The following PDE4D variants were observed in gnomAD, a reference collection of about 807,000 sequenced individuals.
PDE4D encodes phosphodiesterase 4D, also known as 3',5'-cyclic-AMP phosphodiesterase 4D.
In PDE4D, 24 loss-of-function variants were observed where a neutral mutation model predicts 87.4. The ratio of observed to expected loss-of-function variants is 0.27; its 90% CI spans 0.20 to 0.39. The LOEUF (loss-of-function observed/expected upper bound fraction) is 0.39. Among genes scored for constraint, PDE4D ranks in the 10% least tolerant of loss-of-function variants. The pLI is 1.00. For missense variants in PDE4D, 714 were observed against 1,041.0 expected (o/e 0.69, Z 4.32); for synonymous variants, 384 against 383.2 (o/e 1.00, Z -0.02).
At chr5:60,102,187 G>T (rs1776281556) in intron 2 of PDE4D, among the ~76,000 whole-genome samples, 1 of 152,038 alleles carries the variant, frequency 6.6e-6, no homozygotes, top group South Asian at 2.1e-4. Flanking sequence ...GTAGGTCACT[G>T]GGACTCTTAA....
At chr5:59,515,167 A>G (rs1256148058) in intron 1 of PDE4D, among the ~76,000 whole-genome samples, 5 of 152,250 alleles carry the variant, frequency 3.3e-5, no homozygotes, top group African/African-American at 4.8e-5. Context: ...GGAAGTTACC[A>G]AAACTAATCA....
At chr5:59,053,637 TG>T (rs1295543883) in intron 5 of PDE4D, among the ~76,000 whole-genome samples, 236 of 108,250 alleles carry the variant, frequency 2.2e-3, no homozygotes, top group African/African-American at 5.7e-3. Flanking sequence ...TAAGTTGTTT[TG>T]TTTTTTGTTT....
Position 60,198,317 on chromosome 5 carries a change from C to G in PDE4D, c.-89-12630G>C, listed in dbSNP as rs779821403. The stretch of plus-strand genomic sequence containing the variant: ...TTATAAAACAAGAACTCTAAGATAT[C>G]CCCTAAACAAAAGTAATTTATGTAA... On this transcript the variant is annotated intron_variant, in intron 1 of 16. Transcript: ENST00000502484. Among the ~76,000 whole-genome samples the G allele has an allele frequency of 4.6e-5, 7 of 151,268 alleles. 1 individual carries two copies. The highest frequency in any genetic ancestry group is 7.3e-5 in the African/African-American group (3 of 41,298).
At chr5:60,375,009 G>T (rs1018687931) in intron 1 of PDE4D, among the ~76,000 whole-genome samples, 8 of 152,098 alleles carry the variant, frequency 5.3e-5, no homozygotes, top group African/African-American at 1.7e-4. Context: ...GACAAAGTTA[G>T]CTAGGTAATC....
chr5:59,758,098 G>A (rs1236086025), intron 1 of PDE4D, among the ~76,000 whole-genome samples: 1 of 152,158 alleles, frequency 6.6e-6, no homozygotes, highest in Non-Finnish European at 1.5e-5. Flanking sequence ...CCCAAAGGAA[G>A]GTAATGCTGA....
chr5:60,454,441 C>CATAT (rs1746318480), intron 1 of PDE4D, among the ~76,000 whole-genome samples: 2 of 152,104 alleles, frequency 1.3e-5, no homozygotes, highest in Non-Finnish European at 2.9e-5. Context: ...AAATGTGGTA[C>CATAT]ATATATACCA....
At chr5:59,706,327 A>C (rs1385315420) in intron 1 of PDE4D, among the ~76,000 whole-genome samples, 2 of 152,150 alleles carry the variant, frequency 1.3e-5, no homozygotes, top group Non-Finnish European at 2.9e-5. Context: ...TGGGAGTTTC[A>C]GCTCAGGAAG....
At chr5:59,285,418 T>C (rs1279958580) in intron 1 of PDE4D, among the ~76,000 whole-genome samples, 1 of 151,994 alleles carries the variant, frequency 6.6e-6, no homozygotes, top group African/African-American at 2.4e-5. Context: ...AAAAACTGAG[T>C]CTTGCCTCTT....
chr5:59,366,337 A>C (rs1783052192), intron 1 of PDE4D, among the ~76,000 whole-genome samples: 1 of 152,240 alleles, frequency 6.6e-6, no homozygotes, highest in Non-Finnish European at 1.5e-5. Flanking sequence ...TATAAAGCAC[A>C]AAATAAATCT....
chr5:59,988,323 G>T (rs964232644), intron 3 of PDE4D: 7 of 522,366 alleles, frequency 1.3e-5, no homozygotes, highest in Admixed American at 1.0e-4. Flanking sequence ...TTCTCCTGCA[G>T]ATATAGAAAT....
At chr5:60,353,190 G>A (rs773072492) in intron 1 of PDE4D, among the ~76,000 whole-genome samples, 7 of 152,168 alleles carry the variant, frequency 4.6e-5, no homozygotes, top group Non-Finnish European at 8.8e-5. Flanking sequence ...GTCACTGCCA[G>A]TTCCATAACC....
chr5:59,981,536 A>G (rs1761934375), intron 3 of PDE4D, among the ~76,000 whole-genome samples: 1 of 152,162 alleles, frequency 6.6e-6, no homozygotes, highest in Admixed American at 6.5e-5. Context: ...ATCTAGCTCA[A>G]GAATACTATA....
At chr5:59,604,512 G>T (rs922705629) in intron 1 of PDE4D, among the ~76,000 whole-genome samples, 2 of 151,940 alleles carry the variant, frequency 1.3e-5, no homozygotes, top group East Asian at 1.9e-4. Flanking sequence ...TGGGAGGGTC[G>T]ACTGTAAACA....
intron 2 of PDE4D, among the ~76,000 whole-genome samples, chr5:60,136,428 C>T (rs1333284487): frequency 6.6e-6 from 1 of 151,618 alleles, no homozygotes; most frequent in Non-Finnish European, 1.5e-5. Context: ...GTAATTTCTG[C>T]CTCAGCCTCC....
intron 1 of PDE4D, among the ~76,000 whole-genome samples, chr5:59,702,983 G>A (rs960471944): frequency 3.3e-5 from 5 of 151,792 alleles, no homozygotes; most frequent in Non-Finnish European, 5.9e-5. Context: ...TATGCAAAGG[G>A]AACATAATCT....
intron 1 of PDE4D, among the ~76,000 whole-genome samples, chr5:60,307,233 T>C (rs1214834435): frequency 1.3e-5 from 2 of 152,186 alleles, no homozygotes; most frequent in African/African-American, 2.4e-5. Context: ...GTAATTCTTT[T>C]TCTTAAAAGA....
intron 2 of PDE4D, among the ~76,000 whole-genome samples, chr5:60,100,796 T>C (rs1003557088): frequency 1.3e-5 from 2 of 152,126 alleles, no homozygotes; most frequent in Admixed American, 6.5e-5. Flanking sequence ...CATGGGCATA[T>C]ATCAGCTCTT....
chr5:60,499,536 GA>G (rs1022363940), intron 1 of PDE4D, among the ~76,000 whole-genome samples: 2 of 151,654 alleles, frequency 1.3e-5, no homozygotes, highest in African/African-American at 4.8e-5. Flanking sequence ...CGGTTAAAAA[GA>G]AAAAAAAGCA....
intron 1 of PDE4D, among the ~76,000 whole-genome samples, chr5:59,710,998 A>G (rs1198582241): frequency 6.6e-6 from 1 of 152,180 alleles, no homozygotes; most frequent in Non-Finnish European, 1.5e-5. Flanking sequence ...TTCACAATGC[A>G]GGCACTCCAA....
Sources: allele counts gnomAD v4.1 joint callset (sites outside exome capture counted in the v4.1 genomes callset), GRCh38; gene constraint gnomAD v4.1.1; transcripts MANE v1.5; gene names NCBI Gene and HGNC (gene_info 2026-07-23, HGNC 2026-07-21).